The following MOB3B variants were observed in gnomAD, a reference collection of about 807,000 sequenced individuals.
MOB3B encodes the protein MOB kinase activator-like 2B.
Under a neutral mutation model 18.7 loss-of-function variants are expected in MOB3B, and 7 were observed. The ratio of observed to expected loss-of-function variants is 0.37; its 90% confidence interval spans 0.21 to 0.70. MOB3B has a LOEUF of 0.70. Ranked by LOEUF, MOB3B falls within the 30% of genes least tolerant of loss-of-function variation. MOB3B has a pLI of 0.52. For missense variants in MOB3B, 253 were observed against 281.3 expected (o/e 0.90, Z 0.72); for synonymous variants, 111 against 99.9 (o/e 1.11, Z -0.66).
At chr9:27,459,631 T>A (rs1245990578) in intron 1 of MOB3B, among the ~76,000 whole-genome samples, 1 of 151,628 alleles carries the variant, frequency 6.6e-6, no homozygotes, top group African/African-American at 2.4e-5. Context: ...GAAAAAAAAA[T>A]GAGAGATACT....
chr9:27,500,660 G>C (rs548356952), intron 1 of MOB3B, among the ~76,000 whole-genome samples: 50 of 152,226 alleles, frequency 3.3e-4, no homozygotes, highest in Admixed American at 1.4e-3. Flanking sequence ...AGAAAACCTA[G>C]GCAATACCAT....
chr9:27,507,842 G>A (rs1274532594), intron 1 of MOB3B, among the ~76,000 whole-genome samples: 1 of 152,210 alleles, frequency 6.6e-6, no homozygotes, highest in Non-Finnish European at 1.5e-5. Flanking sequence ...TAAAAACGAT[G>A]ATCTCCTTTC....
rs371770785 is a variant in MOB3B, at chr9:27,389,642, G to A, written c.419-30406C>T. Among the ~76,000 whole-genome samples the A allele has an allele frequency of 1.7e-3, 255 of 152,142 alleles. 1 individual carries two copies. The highest frequency in any genetic ancestry group is 5.8e-3 in the African/African-American group (241 of 41,508). On this transcript the variant is annotated intron_variant, in intron 2 of 3. Transcript: ENST00000262244. ...TTTTCTAGCTTCCTTATGATTATCC[G>A]GTTCTTTCACTAGTCCATTAGCTCC... is the stretch of plus-strand genomic sequence containing the variant.
chr9:27,380,459 G>A (rs941909984), intron 2 of MOB3B, among the ~76,000 whole-genome samples: 6 of 151,848 alleles, frequency 4.0e-5, no homozygotes, highest in Non-Finnish European at 8.8e-5. Flanking sequence ...GGATGGTCTC[G>A]ATCTCTTGAC....
At position 27,397,847 on chromosome 9, in the gene MOB3B, A is replaced by T. The variant is rs576082326; in HGVS notation, c.419-38611T>A. Among the ~76,000 whole-genome samples the T allele has an allele frequency of 5.3e-5, 8 of 152,296 alleles. No homozygotes were observed. In the South Asian group the frequency reaches 1.7e-3, roughly 32 times the overall value. ...TCACACAATCCACATTTGGGGCCAA[A>T]TAATTGTTTGTTGTGAGAGATTGTC... On this transcript the variant is annotated intron_variant, in intron 2 of 3. Coordinates refer to ENST00000262244, the MANE Select transcript of MOB3B (RefSeq NM_024761.5).
intron 1 of MOB3B, among the ~76,000 whole-genome samples, chr9:27,470,857 A>T (rs565220428): frequency 6.6e-6 from 1 of 152,184 alleles, no homozygotes; most frequent in East Asian, 1.9e-4. Context: ...GTTCTTATTG[A>T]GTTCTATACT....
intron 1 of MOB3B, among the ~76,000 whole-genome samples, chr9:27,474,670 C>T (rs1217871152): frequency 6.6e-6 from 1 of 152,196 alleles, no homozygotes; most frequent in Non-Finnish European, 1.5e-5. Context: ...AGGGAAGAGA[C>T]ATTCATGACA....
chr9:27,461,675 G>A (rs1219499419), intron 1 of MOB3B, among the ~76,000 whole-genome samples: 1 of 152,150 alleles, frequency 6.6e-6, no homozygotes, highest in Non-Finnish European at 1.5e-5. Context: ...TTGCATTCTT[G>A]CTGTTTCACA....
intron 3 of MOB3B, among the ~76,000 whole-genome samples, chr9:27,354,658 A>C (rs1022157721): frequency 6.6e-6 from 1 of 152,200 alleles, no homozygotes; most frequent in East Asian, 1.9e-4. Flanking sequence ...TCATCCTTAA[A>C]GTACTCTCCC....
intron 2 of MOB3B, among the ~76,000 whole-genome samples, chr9:27,413,854 G>C (rs1029082766): frequency 3.3e-5 from 5 of 152,210 alleles, no homozygotes; most frequent in Non-Finnish European, 7.3e-5. Flanking sequence ...TTGGTGTAGG[G>C]AAGAAAGGGG....
chr9:27,444,947 TAG>T (rs1822668312), intron 2 of MOB3B, among the ~76,000 whole-genome samples: 1 of 152,240 alleles, frequency 6.6e-6, no homozygotes, highest in South Asian at 2.1e-4. Flanking sequence ...GTATCACTCT[TAG>T]TTGGTATTCA....
intron 3 of MOB3B, among the ~76,000 whole-genome samples, chr9:27,345,617 G>C (rs965118097): frequency 3.3e-5 from 5 of 152,134 alleles, no homozygotes; most frequent in African/African-American, 1.2e-4. Context: ...TTTGTTACCT[G>C]CCTGACTCTG....
chr9:27,454,254 A>G (rs570309308), intron 2 of MOB3B, among the ~76,000 whole-genome samples: 5 of 152,340 alleles, frequency 3.3e-5, no homozygotes, highest in African/African-American at 1.2e-4. Flanking sequence ...TTGTACTCCA[A>G]CCATCTCAGG....
intron 2 of MOB3B, among the ~76,000 whole-genome samples, chr9:27,451,161 G>T (rs1020291259): frequency 3.9e-5 from 6 of 152,102 alleles, no homozygotes; most frequent in African/African-American, 1.4e-4. Flanking sequence ...GGGAAGCTGG[G>T]GGATGGACCA....
In MOB3B at chr9:27,491,763, C is replaced by T. The variant is rs369672648; in HGVS notation, c.-198-36015G>A. Among the ~76,000 whole-genome samples the T allele has an allele frequency of 5.3e-5, 8 of 152,090 alleles. No individual in the cohort carries two copies. The East Asian group carries it at 1.2e-3, about 22-fold the overall frequency. On this transcript the variant is annotated intron_variant, in intron 1 of 3. Coordinates refer to ENST00000262244, the MANE Select transcript of MOB3B (RefSeq NM_024761.5). ...TGGCAGGCGCCTGTAGTCCCAGCTACTTGGGAGGCTGAGGCAGGAGAATGG... is the reference window on the plus strand; with the variant it reads ...TGGCAGGCGCCTGTAGTCCCAGCTATTTGGGAGGCTGAGGCAGGAGAATGG...
intron 1 of MOB3B, chr9:27,524,855 G>T (rs1820405668): frequency 6.2e-7 from 1 of 1,614,058 alleles, no homozygotes; most frequent in South Asian, 1.1e-5. Context: ...ACAATTTCCT[G>T]AAAGAAAAGA....
At chr9:27,339,686 C>G (rs995005064) in intron 3 of MOB3B, among the ~76,000 whole-genome samples, 1 of 152,218 alleles carries the variant, frequency 6.6e-6, no homozygotes, top group East Asian at 1.9e-4. Flanking sequence ...ATTACCCTGG[C>G]CAAGGTTGAA....
At chr9:27,509,882 G>C (rs1014399573) in intron 1 of MOB3B, among the ~76,000 whole-genome samples, 3 of 152,064 alleles carry the variant, frequency 2.0e-5, no homozygotes, top group Admixed American at 2.0e-4. Context: ...GCAGCACCGC[G>C]TCCGGCTAAT....
intron 3 of MOB3B, among the ~76,000 whole-genome samples, chr9:27,346,524 C>T (rs1017190818): frequency 1.3e-5 from 2 of 152,222 alleles, no homozygotes; most frequent in Non-Finnish European, 2.9e-5. Context: ...ACATTTCCTA[C>T]AGCACTTGGC....
Sources: allele counts gnomAD v4.1 joint callset (sites outside exome capture counted in the v4.1 genomes callset), GRCh38; gene constraint gnomAD v4.1.1; transcripts MANE v1.5; gene names NCBI Gene and HGNC (gene_info 2026-07-23, HGNC 2026-07-21).